BNC2: variants seen among roughly 807,000 people sequenced by gnomAD.
BNC2 encodes the protein basonuclin zinc finger protein 2.
In BNC2, 20 loss-of-function variants were observed where a neutral mutation model predicts 76.3. The ratio of observed to expected loss-of-function variants is 0.26; its 90% CI spans 0.18 to 0.38. BNC2 has a LOEUF of 0.38. BNC2 is among the 10% of genes least tolerant of loss of function. The pLI is 1.00. For missense variants in BNC2, 1,382 were observed against 1,399.8 expected, an observed-to-expected ratio of 0.99 and a Z score of 0.20; for synonymous variants, 582 against 514.8, an observed-to-expected ratio of 1.13 and a Z score of -1.77.
intron 1 of BNC2, among the ~76,000 whole-genome samples, chr9:16,828,500 T>C (rs1292221095): frequency 2.0e-5 from 3 of 152,156 alleles, no homozygotes; most frequent in African/African-American, 7.2e-5. Flanking sequence ...TTCTGAAGCT[T>C]AACTCTCAGG....
At chr9:16,440,809 G>C (rs1821111267) in intron 5 of BNC2, among the ~76,000 whole-genome samples, 1 of 152,174 alleles carries the variant, frequency 6.6e-6, no homozygotes. Flanking sequence ...TAAACCACTT[G>C]CTTCTGGTGA....
intron 3 of BNC2, among the ~76,000 whole-genome samples, chr9:16,702,620 T>A (rs1053319079): frequency 3.1e-5 from 3 of 95,650 alleles, no homozygotes; most frequent in South Asian, 2.4e-4. Flanking sequence ...AAACATTTTA[T>A]TTAAACTTAT....
At chr9:16,518,010 C>G (rs902731563) in intron 5 of BNC2, among the ~76,000 whole-genome samples, 16 of 152,098 alleles carry the variant, frequency 1.1e-4, no homozygotes, top group Non-Finnish European at 2.2e-4. Flanking sequence ...GGTTATTGGG[C>G]CTACCAGTTG....
In BNC2 at chr9:16,696,175, C is replaced by T. The variant is rs142472520; in HGVS notation, c.330+31622G>A. 2.5e-4 allele frequency among the ~76,000 whole-genome samples: 38 copies of T among 152,246 alleles called. No homozygotes were observed. The East Asian group carries it at 6.2e-3, about 25-fold the overall frequency. ...ACTTGCCAACTAGTGCTATACACCA[C>T]CCCTCCAATTGTCGAACACATTCTC... is the stretch of plus-strand genomic sequence containing the variant. On this transcript the variant is annotated intron_variant, in intron 3 of 6. Transcript: ENST00000380672.
chr9:16,806,488 C>G (rs1817916360), intron 1 of BNC2, among the ~76,000 whole-genome samples: 1 of 152,172 alleles, frequency 6.6e-6, no homozygotes, highest in Non-Finnish European at 1.5e-5. Flanking sequence ...CAAAGTTTAG[C>G]TTGATTAAAA....
At chr9:16,841,814 G>GTTT (rs56358820) in intron 1 of BNC2, among the ~76,000 whole-genome samples, 7 of 146,740 alleles carry the variant, frequency 4.8e-5, no homozygotes, top group African/African-American at 1.5e-4. Flanking sequence ...TATCAAATTT[G>GTTT]TTTTTTTTTT....
At chr9:16,737,914 A>G (rs1304747957) in intron 2 of BNC2, among the ~76,000 whole-genome samples, 2 of 152,138 alleles carry the variant, frequency 1.3e-5, no homozygotes, top group East Asian at 1.9e-4. Flanking sequence ...TTCAGTGTGT[A>G]AAATTTATCA....
intron 3 of BNC2, among the ~76,000 whole-genome samples, chr9:16,586,465 G>A (rs1819773918): frequency 6.6e-6 from 1 of 152,160 alleles, no homozygotes; most frequent in African/African-American, 2.4e-5. Context: ...GAGAGGCAAT[G>A]TTCTCATCCC....
rs111670524 is a variant in BNC2 at position 16,515,914 on chromosome 9, G to T, written c.669+36616C>A. ...CATGAAACAGGTTTGGAAGATAATG[G>T]CAGTTTGAGAGGAAAACACTTCCAA... On this transcript the variant is annotated intron_variant, in intron 5 of 6. Coordinates refer to ENST00000380672, the MANE Select transcript of BNC2 (RefSeq NM_017637.6). 6.0e-5 allele frequency among the ~76,000 whole-genome samples: 9 copies of T among 149,540 alleles called. No homozygotes were observed. In the South Asian group the frequency reaches 1.7e-3, roughly 28 times the overall value.
At chr9:16,468,038 C>CTTTTTTTT (rs1414982362) in intron 5 of BNC2, among the ~76,000 whole-genome samples, 6 of 146,244 alleles carry the variant, frequency 4.1e-5, no homozygotes, top group African/African-American at 1.6e-4. Flanking sequence ...TTCTTTCTTT[C>CTTTTTTTT]TCTTTTTTTT....
intron 1 of BNC2, among the ~76,000 whole-genome samples, chr9:16,864,430 T>C (rs1179031399): frequency 6.6e-6 from 1 of 152,232 alleles, no homozygotes; most frequent in Admixed American, 6.5e-5. Flanking sequence ...TTTCCATTGC[T>C]GTCAAATGTA....
chr9:16,753,548 T>C (rs555755582), intron 1 of BNC2, among the ~76,000 whole-genome samples: 8 of 152,240 alleles, frequency 5.3e-5, no homozygotes, highest in Non-Finnish European at 1.2e-4. Context: ...TTGTGTTCAC[T>C]ATTGCATCAA....
intron 3 of BNC2, among the ~76,000 whole-genome samples, chr9:16,665,350 A>G (rs1331934584): frequency 1.4e-5 from 2 of 142,614 alleles, no homozygotes; most frequent in Non-Finnish European, 3.0e-5. Flanking sequence ...AGCCTGGGCA[A>G]TAAGAGTGAA....
At chr9:16,625,183 T>A (rs988081601) in intron 3 of BNC2, among the ~76,000 whole-genome samples, 2 of 152,338 alleles carry the variant, frequency 1.3e-5, no homozygotes, top group Admixed American at 6.5e-5. Flanking sequence ...ATTAGTCAAA[T>A]TATGAAACAA....
rs1159555660 is a variant in BNC2 at position 16,416,551 on chromosome 9, A to T, written c.*2438T>A. The T allele has an allele frequency of 1.3e-5, 2 of 152,582 alleles. No individual in the cohort carries two copies. The highest frequency in any genetic ancestry group is 2.9e-5 in the Non-Finnish European group (2 of 68,038). 9.5% of individuals were successfully genotyped at this position (152,582 alleles called of 1,614,324 possible). On this transcript the variant is annotated 3_prime_UTR_variant, in exon 7 of 7. Transcript: ENST00000380672. ...AGCAATTAAGACTTTGGGGAATTCA[A>T]AGTACAAGAAAACAAAAACGATTAT...
chr9:16,836,895 G>C (rs17743955), intron 1 of BNC2, among the ~76,000 whole-genome samples: 10,571 of 152,122 alleles, frequency 0.069, 515 homozygotes, highest in Middle Eastern at 0.13. Context: ...TTGAGTGATA[G>C]CAGGCCACTT....
intron 5 of BNC2, among the ~76,000 whole-genome samples, chr9:16,443,987 T>A (rs1430668848): frequency 1.3e-5 from 2 of 152,204 alleles, no homozygotes; most frequent in Non-Finnish European, 2.9e-5. Flanking sequence ...TGAAGTTAAT[T>A]CAAAAAATTA....
At chr9:16,842,902 C>T (rs936959547) in intron 1 of BNC2, among the ~76,000 whole-genome samples, 5 of 152,226 alleles carry the variant, frequency 3.3e-5, no homozygotes, top group Non-Finnish European at 7.4e-5. Context: ...CAGGTGTGCA[C>T]CACCACACCC....
chr9:16,720,048 G>C (rs972208136), intron 3 of BNC2, among the ~76,000 whole-genome samples: 1 of 152,152 alleles, frequency 6.6e-6, no homozygotes, highest in South Asian at 2.1e-4. Context: ...GGATCAAATT[G>C]AGCTGCCTTT....
Sources: allele counts gnomAD v4.1 joint callset (sites outside exome capture counted in the v4.1 genomes callset), GRCh38; gene constraint gnomAD v4.1.1; transcripts MANE v1.5; gene names NCBI Gene and HGNC (gene_info 2026-07-23, HGNC 2026-07-21).